The following HOXB3 variants were observed in gnomAD, a reference collection of about 807,000 sequenced individuals.
HOXB3 encodes homeobox protein Hox-B3.
In HOXB3, 17 loss-of-function variants were observed where a neutral mutation model predicts 29.2. The ratio of observed to expected loss-of-function variants is 0.58; its 90% CI spans 0.40 to 0.87. The LOEUF is 0.87. Among genes scored for constraint, HOXB3 ranks in the 40% least tolerant of loss-of-function variants. HOXB3 has a pLI of 0.00. For synonymous variants in HOXB3, 317 were observed against 285.9 expected, an observed-to-expected ratio of 1.11 and a Z score of -1.10; for missense variants, 637 against 616.3, an observed-to-expected ratio of 1.03 and a Z score of -0.35.
chr17:48,574,102 A>G lies in HOXB3; in HGVS notation c.-424-88T>C, dbSNP rs1219912214. 4.7e-5 allele frequency: 26 copies of G among 555,640 alleles called. 1 individual carries two copies. In the East Asian group the frequency reaches 7.6e-4, roughly 16 times the overall value. The allele number at this position is 555,640 out of a possible 1,614,324, so 34.4% of individuals were successfully genotyped here. A position where few individuals can be genotyped will look rare whatever the true frequency, so the allele number is the denominator to read the frequency against. On this transcript the variant is annotated intron_variant, in intron 1 of 4. Coordinates refer to ENST00000498678, the MANE Select transcript of HOXB3 (RefSeq NM_001384749.1). The stretch of plus-strand genomic sequence containing the variant: ...TCTGTATAATTCTCACATTTTTCTT[A>G]GCTCTTGTCTACACAGAATGGCTGT...
chr17:48,578,048 G>A lies in HOXB3; in HGVS notation c.-424-4034C>T. ...GGCGGGTGGCGGCGCAGGAGCCCGA[G>A]GGGACAGACCGGGCGGTGGCGGGGG... On this transcript the variant is annotated intron_variant, in intron 1 of 4. Coordinates refer to ENST00000498678, the MANE Select transcript of HOXB3 (RefSeq NM_001384749.1). 1.6e-6 allele frequency: 2 copies of A among 1,236,838 alleles called. No homozygotes were observed. The highest frequency in any genetic ancestry group is 3.2e-5 in the East Asian group (1 of 31,546). The allele number at this position is 1,236,838 out of a possible 1,614,324, so 76.6% of individuals were successfully genotyped here. A position where few individuals can be genotyped will look rare whatever the true frequency, so the allele number is the denominator to read the frequency against.
In HOXB3 at chr17:48,550,739, G is replaced by A. The variant is rs749843188; in HGVS notation, c.891C>T (p.Ala297=). 6.3e-7 allele frequency: 1 copy of A among 1,582,588 alleles called. No homozygotes were observed. Among genetic ancestry groups the A allele is most frequent in the Non-Finnish European group, 8.6e-7 (1 of 1,162,020 alleles). The stretch of plus-strand genomic sequence containing the variant: ...AGGGCAGCGCGTAGGCATTCTGGTG[G>A]GCTTTACCGAAGGCGGGTGGGGACG... ...ESPSPPAFGK[A]HQNAYALPSN... The change falls in exon 5 of 5, where the codon GCC becomes GCT. Residue 297 remains alanine, a synonymous_variant. Coordinates refer to ENST00000498678, the MANE Select transcript of HOXB3 (RefSeq NM_001384749.1).
At chr17:48,558,104 T>G (rs569644839) in intron 2 of HOXB3, among the ~76,000 whole-genome samples, 1 of 152,200 alleles carries the variant, frequency 6.6e-6, no homozygotes, top group African/African-American at 2.4e-5. Flanking sequence ...GTTACTATCA[T>G]TGGGTTAGAG....
chr17:48,551,348 C>T (rs934202332), intron 4 of HOXB3, 167 bp from the exon 5 acceptor site: 27 of 753,146 alleles, frequency 3.6e-5, no homozygotes, highest in East Asian at 2.0e-4. Context: ...CCCACCCCAC[C>T]GCCCGTCGCA....
At chr17:48,561,148 C>G (rs985964770) in intron 2 of HOXB3, among the ~76,000 whole-genome samples, 5 of 148,668 alleles carry the variant, frequency 3.4e-5, no homozygotes, top group African/African-American at 1.2e-4. Flanking sequence ...CCATTGCACT[C>G]CAGCCTGGGC....
intron 1 of HOXB3, among the ~76,000 whole-genome samples, chr17:48,584,906 GC>G (rs1214680357): frequency 5.4e-5 from 8 of 148,312 alleles, no homozygotes; most frequent in Non-Finnish European, 1.2e-4. Context: ...CACACATACA[GC>G]CCCCTCCCCC....
At chr17:48,573,489 A>C (rs1281279145) in intron 2 of HOXB3, among the ~76,000 whole-genome samples, 1 of 152,172 alleles carries the variant, frequency 6.6e-6, no homozygotes, top group Non-Finnish European at 1.5e-5. Flanking sequence ...ACACCCATGC[A>C]CACATGCTGG....
intron 2 of HOXB3, among the ~76,000 whole-genome samples, chr17:48,561,183 A>AAAACACACACACACACAC: frequency 8.0e-6 from 1 of 125,490 alleles, no homozygotes; most frequent in East Asian, 2.6e-4. Flanking sequence ...TCCGTCTCAA[A>AAAACACACACACACACAC]ACACACACAC....
At chr17:48,558,809 T>G (rs1384907644) in intron 2 of HOXB3, among the ~76,000 whole-genome samples, 1 of 152,024 alleles carries the variant, frequency 6.6e-6, no homozygotes. Context: ...GGGCTTATCA[T>G]CCCTGAGAGT....
rs188347411 is a variant in HOXB3 at position 48,577,782 on chromosome 17, C to A, written c.-424-3768G>T. On this transcript the variant is annotated intron_variant, in intron 1 of 4. Coordinates refer to ENST00000498678, the MANE Select transcript of HOXB3 (RefSeq NM_001384749.1). ...GGACAATTGGCTTCCCCAGCTCAAC[C>A]CCCCCCCAACCCATGCCTCCGAAGT... 5,592 of 1,227,964 alleles carry A rather than the reference C, an allele frequency of 4.6e-3. 178 individuals are homozygous for A. In the African/African-American group the frequency reaches 0.071, roughly 16 times the overall value. 76.1% of individuals were successfully genotyped at this position (1,227,964 alleles called of 1,614,324 possible).
chr17:48,581,850 C>T (rs1255745341), intron 1 of HOXB3: 1 of 152,314 alleles, frequency 6.6e-6, no homozygotes, highest in Non-Finnish European at 1.5e-5. Context: ...GCACCCCCCT[C>T]ACCCCTCCAG....
chr17:48,551,340 C>G (rs1469497583), intron 4 of HOXB3, 159 bp from the exon 5 acceptor site: 9 of 834,780 alleles, frequency 1.1e-5, no homozygotes, highest in East Asian at 4.0e-5. Context: ...CTCACTCCCC[C>G]ACCCCACCGC....
intron 3 of HOXB3, 27 bp from the exon 4 acceptor site, chr17:48,552,659 G>T (rs2068811570): frequency 1.8e-6 from 1 of 548,452 alleles, no homozygotes; most frequent in Admixed American, 3.5e-5. Context: ...GAGACACAAG[G>T]GGGAGAAGAG....
intron 3 of HOXB3, 28 bp from the exon 4 acceptor site, chr17:48,552,660 G>C (rs1014588971): frequency 3.6e-6 from 2 of 550,500 alleles, no homozygotes; most frequent in Non-Finnish European, 6.4e-6. Flanking sequence ...AGACACAAGG[G>C]GGAGAAGAGG....
At position 48,555,763 on chromosome 17, in the gene HOXB3, C is replaced by T. The variant is rs1351224962; in HGVS notation, c.-246-145G>A. ...CGCGCGGCGTCCGCTTCAATTCACT[C>T]GGCTTAGGAGCAGGGGTGCGCAGGA... On this transcript the variant is annotated intron_variant, in intron 2 of 4. Coordinates refer to ENST00000498678, the MANE Select transcript of HOXB3 (RefSeq NM_001384749.1). 3.3e-5 allele frequency: 21 copies of T among 629,242 alleles called. No homozygotes were observed. The East Asian group carries it at 4.5e-4, about 13-fold the overall frequency. The allele number at this position is 629,242 out of a possible 1,614,324, so 39.0% of individuals were successfully genotyped here. A position where few individuals can be genotyped will look rare whatever the true frequency, so the allele number is the denominator to read the frequency against.
At chr17:48,553,378 G>A (rs2068841680) in intron 3 of HOXB3, 1 of 152,186 alleles carries the variant, frequency 6.6e-6, no homozygotes, top group African/African-American at 2.4e-5. Context: ...GCCCCCACAT[G>A]GAGCAGGATT....
rs773095518 is a variant in HOXB3, at chr17:48,552,265, G to T, written c.210C>A (p.Asn70Lys). ...AAPHAKSKEL[N>K]GSCMRPGLAP... ...CCAGACCCGGCCTCATGCAGCTGCC[G>T]TTGAGCTCCTTGCTCTTGGCATGTG... Residue 70 changes from asparagine (N) to lysine (K), a missense_variant, in exon 4 of 5, where the codon AAC (asparagine) becomes AAA (lysine). Asn to Lys is a moderately conservative substitution (Grantham distance 94, BLOSUM62 0). Transcript: ENST00000498678. The T allele has an allele frequency of 6.2e-7, 1 of 1,613,786 alleles. No homozygotes were observed.
At chr17:48,555,095 C>G (rs955669103) in intron 3 of HOXB3, among the ~76,000 whole-genome samples, 2 of 151,358 alleles carry the variant, frequency 1.3e-5, no homozygotes, top group Non-Finnish European at 2.9e-5. Flanking sequence ...GCCAAGCACA[C>G]CCCAGGGAGA....
intron 2 of HOXB3, among the ~76,000 whole-genome samples, chr17:48,569,613 T>C (rs974892410): frequency 5.9e-5 from 9 of 152,112 alleles, no homozygotes; most frequent in African/African-American, 1.9e-4. Flanking sequence ...CTCCATTTTT[T>C]CCCCAACTCC....
Sources: allele counts gnomAD v4.1 joint callset (sites outside exome capture counted in the v4.1 genomes callset), GRCh38; gene constraint gnomAD v4.1.1; transcripts MANE v1.5; gene names NCBI Gene and HGNC (gene_info 2026-07-23, HGNC 2026-07-21).